The following BCL2L13 variants were observed in gnomAD, a reference collection of about 807,000 sequenced individuals.
BCL2L13 encodes BCL2 like 13, also known as bcl-2-like protein 13.
In BCL2L13, 13 loss-of-function variants were observed where a neutral mutation model predicts 25.8. The observed-to-expected ratio is 0.50, with a 90% confidence interval of 0.33 to 0.80. The LOEUF is 0.80. BCL2L13 is among the 30% of genes least tolerant of loss of function. BCL2L13 has a pLI of 0.02. For missense variants in BCL2L13, 504 were observed against 574.9 expected, an observed-to-expected ratio of 0.88 and a Z score of 1.26; for synonymous variants, 244 against 230.3, an observed-to-expected ratio of 1.06 and a Z score of -0.54.
rs561056225 is a variant in BCL2L13 at position 17,729,017 on chromosome 22, A to G, written c.*1483A>G. On this transcript the variant is annotated 3_prime_UTR_variant, in exon 7 of 7. Coordinates refer to ENST00000317582, the MANE Select transcript of BCL2L13 (RefSeq NM_015367.4). ...CATGCCCGAGGGCCACGACGTCACT[A>G]TGCAGGGCACACGTGGCTTGGTTTA... 3 of 152,326 alleles carry G rather than the reference A, an allele frequency of 2.0e-5. No homozygotes were observed. The highest frequency in any genetic ancestry group is 1.9e-4 in the East Asian group (1 of 5,184). 9.4% of individuals were successfully genotyped at this position (152,326 alleles called of 1,614,324 possible).
chr22:17,713,022 T>G (rs1364340813), intron 6 of BCL2L13, among the ~76,000 whole-genome samples: 1 of 152,202 alleles, frequency 6.6e-6, no homozygotes, highest in African/African-American at 2.4e-5. Context: ...AGATCAAGAA[T>G]AAGGTTAAAT....
intron 1 of BCL2L13, among the ~76,000 whole-genome samples, chr22:17,642,744 C>T (rs2058338217): frequency 6.6e-6 from 1 of 152,006 alleles, no homozygotes; most frequent in South Asian, 2.1e-4. Flanking sequence ...TGGGCACACA[C>T]CACCATACCC....
chr22:17,684,897 T>C (rs1244510755), intron 3 of BCL2L13, among the ~76,000 whole-genome samples: 1 of 152,018 alleles, frequency 6.6e-6, no homozygotes, highest in Non-Finnish European at 1.5e-5. Flanking sequence ...CACACCCGAC[T>C]AATTTTTTGT....
chr22:17,664,192 G>T (rs898331919), intron 2 of BCL2L13, among the ~76,000 whole-genome samples: 7 of 151,176 alleles, frequency 4.6e-5, no homozygotes, highest in Admixed American at 3.3e-4. Flanking sequence ...CACCATCTTG[G>T]CCGGCTGGTC....
At chr22:17,645,684 T>C (rs1482100161) in intron 1 of BCL2L13, among the ~76,000 whole-genome samples, 1 of 151,610 alleles carries the variant, frequency 6.6e-6, no homozygotes, top group Non-Finnish European at 1.5e-5. Flanking sequence ...ATTGTAGAAT[T>C]GTGGATATAC....
chr22:17,727,883 C>T lies in BCL2L13; in HGVS notation c.*349C>T. 1 of 280,980 alleles carries T rather than the reference C, an allele frequency of 3.6e-6. No individual in the cohort carries two copies. Among genetic ancestry groups the T allele is most frequent in the East Asian group, 6.6e-5 (1 of 15,258 alleles). The allele number at this position is 280,980 out of a possible 1,614,324, so 17.4% of individuals were successfully genotyped here. A position where few individuals can be genotyped will look rare whatever the true frequency, so the allele number is the denominator to read the frequency against. On this transcript the variant is annotated 3_prime_UTR_variant, in exon 7 of 7. Transcript: ENST00000317582. The stretch of plus-strand genomic sequence containing the variant: ...GGCTCCACCCACTAGATGCCAGTGG[C>T]ACCCCCTCCCAGAGATGACAAACGA...
At chr22:17,629,353 TACAA>T (rs2146328464) in intron 1 of BCL2L13, among the ~76,000 whole-genome samples, 1 of 152,260 alleles carries the variant, frequency 6.6e-6, no homozygotes, top group Non-Finnish European at 1.5e-5. Context: ...GAAGCCACTA[TACAA>T]AGCCCACACC....
intron 3 of BCL2L13, among the ~76,000 whole-genome samples, chr22:17,687,670 C>G (rs900686968): frequency 6.6e-6 from 1 of 152,098 alleles, no homozygotes; most frequent in Non-Finnish European, 1.5e-5. Flanking sequence ...GCGCCCGCCA[C>G]CAGGCCCAGC....
chr22:17,696,258 G>T lies in BCL2L13; in HGVS notation c.456+48G>T. On this transcript the variant is annotated intron_variant, in intron 5 of 6. Transcript: ENST00000317582. ...TCTTAAAAGATTTTAGTGTGTTAAT[G>T]ATAAGACGTAGGAGGAATTGCTAGC... The T allele has an allele frequency of 2.1e-6, 3 of 1,455,252 alleles. No homozygotes were observed. In the South Asian group the frequency reaches 3.4e-5, roughly 17 times the overall value. The allele number at this position is 1,455,252 out of a possible 1,614,324, so 90.1% of individuals were successfully genotyped here. A position where few individuals can be genotyped will look rare whatever the true frequency, so the allele number is the denominator to read the frequency against.
chr22:17,667,515 ATTG>A (rs1219714680), intron 2 of BCL2L13, among the ~76,000 whole-genome samples: 1 of 149,370 alleles, frequency 6.7e-6, no homozygotes, highest in Non-Finnish European at 1.5e-5. Flanking sequence ...CTTTGTTGTT[ATTG>A]TTGTTTTTGA....
At chr22:17,670,247 T>C (rs1270074786) in intron 2 of BCL2L13, among the ~76,000 whole-genome samples, 2 of 152,206 alleles carry the variant, frequency 1.3e-5, no homozygotes, top group Non-Finnish European at 2.9e-5. Context: ...CTATTCTGTG[T>C]CTCTTGCATT....
chr22:17,709,018 A>G (rs970271646), intron 6 of BCL2L13, among the ~76,000 whole-genome samples: 3 of 149,108 alleles, frequency 2.0e-5, no homozygotes, highest in African/African-American at 4.9e-5. Flanking sequence ...GGTGACTCAC[A>G]AGGTCAGGAG....
chr22:17,647,679 T>C (rs1473831002), intron 1 of BCL2L13, among the ~76,000 whole-genome samples: 1 of 152,212 alleles, frequency 6.6e-6, no homozygotes, highest in African/African-American at 2.4e-5. Flanking sequence ...GGTTGTGCTG[T>C]TACCTAGCTG....
intron 6 of BCL2L13, among the ~76,000 whole-genome samples, chr22:17,710,832 G>A (rs1208960286): frequency 2.0e-5 from 3 of 151,274 alleles, no homozygotes; most frequent in Non-Finnish European, 4.4e-5. Context: ...AGTCAAGATC[G>A]AGCCACTGCA....
At chr22:17,688,721 G>T (rs2060015709) in intron 3 of BCL2L13, among the ~76,000 whole-genome samples, 1 of 151,396 alleles carries the variant, frequency 6.6e-6, no homozygotes, top group African/African-American at 2.4e-5. Flanking sequence ...CCTAATAGTG[G>T]GTGTCTTAAT....
At chr22:17,664,272 A>G (rs1245538773) in intron 2 of BCL2L13, among the ~76,000 whole-genome samples, 1 of 152,218 alleles carries the variant, frequency 6.6e-6, no homozygotes, top group African/African-American at 2.4e-5. Context: ...GGTGTGAGCC[A>G]CCGTGCCCAG....
intron 2 of BCL2L13, among the ~76,000 whole-genome samples, chr22:17,679,264 CTTTTTT>C (rs3044588): frequency 1.2e-4 from 9 of 76,132 alleles, no homozygotes; most frequent in African/African-American, 3.8e-4. Context: ...TGGTTTGGCT[CTTTTTT>C]TTTTTTTTTT....
intron 2 of BCL2L13, 121 bp from the exon 3 acceptor site, chr22:17,683,093 A>G: frequency 1.7e-6 from 1 of 579,374 alleles, no homozygotes; most frequent in Non-Finnish European, 3.1e-6. Flanking sequence ...AGATCATGCC[A>G]TTGCACTCCA....
chr22:17,643,675 TG>T lies in BCL2L13; in HGVS notation c.-51+4791del, dbSNP rs1242473172. ...TGGAGTCTCACTCTGTCGCCCAGAC[TG>T]GAGTGCAGTGGTGCGATCTCGGCTC... is the stretch of plus-strand genomic sequence containing the variant. On this transcript the variant is annotated intron_variant, in intron 1 of 6. Coordinates refer to ENST00000317582, the MANE Select transcript of BCL2L13 (RefSeq NM_015367.4). Among the ~76,000 whole-genome samples, 4 of 152,174 alleles carry T rather than the reference TG, an allele frequency of 2.6e-5. No homozygotes were observed. In the East Asian group the frequency reaches 7.7e-4, roughly 29 times the overall value.
Sources: gnomAD v4.1 joint callset for allele counts (sites outside exome capture counted in the v4.1 genomes callset) on GRCh38, gnomAD v4.1.1 for gene constraint, MANE v1.5 for transcripts, NCBI Gene and HGNC (gene_info 2026-07-23, HGNC 2026-07-21) for gene names.